Variants in C2CD3 observed in about 807,000 individuals in gnomAD.
The protein encoded by C2CD3 is C2 domain containing 3 centriole elongation regulator.
A neutral mutation model predicts 234.0 loss-of-function variants in C2CD3; 148 were observed. That is an observed-to-expected ratio of 0.63 (90% CI 0.55 to 0.72). C2CD3 has a LOEUF of 0.72. Among genes scored for constraint, C2CD3 ranks in the 30% least tolerant of loss-of-function variants. C2CD3 has a pLI of 0.00. For synonymous variants in C2CD3, 1,000 were observed against 1,035.4 expected (o/e 0.97, Z 0.66); for missense variants, 2,577 against 2,811.5 (o/e 0.92, Z 1.89).
intron 11 of C2CD3, among the ~76,000 whole-genome samples, chr11:74,111,642 A>G (rs959216453): frequency 1.3e-5 from 2 of 152,156 alleles, no homozygotes; most frequent in African/African-American, 4.8e-5. Flanking sequence ...TGTATGGTGC[A>G]TTAATACTTG....
At chr11:74,038,458 G>A (rs1445357554) in intron 29 of C2CD3, among the ~76,000 whole-genome samples, 2 of 152,160 alleles carry the variant, frequency 1.3e-5, no homozygotes, top group Admixed American at 1.3e-4. Flanking sequence ...TATGAGATCA[G>A]TAATTATAAA....
Position 74,042,090 on chromosome 11 carries a change from G to A in C2CD3, c.5624C>T (p.Pro1875Leu). 1 of 1,613,992 alleles carries A rather than the reference G, an allele frequency of 6.2e-7. No homozygotes were observed. The highest frequency in any genetic ancestry group is 8.5e-7 in the Non-Finnish European group (1 of 1,179,990). Residue 1875 changes from proline to leucine, a missense_variant, in exon 29 of 33, where the codon CCT becomes CTT. Transcript: ENST00000334126. Reference protein sequence around the residue: ...LPCDDKLTTSPLSSQTSILTS... With the variant: ...LPCDDKLTTSLLSSQTSILTS... ...CAGAATGGAGGTTTGGGAGGACAAA[G>A]GTGATGTGGTCAGTTTGTCATCACA...
chr11:74,054,794 C>A (rs893272972), intron 25 of C2CD3, 123 bp from the exon 26 acceptor site: 2 of 604,884 alleles, frequency 3.3e-6, no homozygotes, highest in Non-Finnish European at 5.7e-6. Context: ...ATCTTCTTAG[C>A]CATCTTCTGG....
chr11:74,107,339 C>CAG (rs1323621393), intron 12 of C2CD3, among the ~76,000 whole-genome samples: 1 of 151,948 alleles, frequency 6.6e-6, no homozygotes, highest in Non-Finnish European at 1.5e-5. Flanking sequence ...CACACACACA[C>CAG]ACACACACAC....
At chr11:74,078,906 G>A (rs1162983724) in intron 22 of C2CD3, among the ~76,000 whole-genome samples, 189 bp from the exon 23 acceptor site, 2 of 152,182 alleles carry the variant, frequency 1.3e-5, no homozygotes, top group Non-Finnish European at 2.9e-5. Flanking sequence ...AAGAACAAAG[G>A]CTAGGAGTTG....
intron 15 of C2CD3, among the ~76,000 whole-genome samples, chr11:74,098,943 A>T (rs1956213232): frequency 6.6e-6 from 1 of 152,222 alleles, no homozygotes; most frequent in Non-Finnish European, 1.5e-5. Flanking sequence ...ACGCAATGAA[A>T]AAACTTCCAT....
rs1243610066 is a variant in C2CD3 at position 74,139,634 on chromosome 11, T to C, written c.678A>G (p.Ala226=). 1.2e-6 allele frequency: 2 copies of C among 1,613,970 alleles called. No homozygotes were observed. The highest frequency in any genetic ancestry group is 2.2e-5 in the South Asian group (2 of 91,088). ...HTIKIDGKEL[A]ANSSRSTTPR... is the part of the protein sequence containing the mutation. Reference sequence around the variant, plus strand: ...GAGTGGTTGATCTACTGCTGTTGGCTGCTAACTCTTTTCCATCAATTTTGA... The same window carrying C: ...GAGTGGTTGATCTACTGCTGTTGGCCGCTAACTCTTTTCCATCAATTTTGA... The change falls in exon 4 of 33, where the codon GCA becomes GCG. Residue 226 remains alanine, a synonymous_variant. Coordinates refer to ENST00000334126, the MANE Select transcript of C2CD3 (RefSeq NM_001286577.2).
At chr11:74,163,218 T>G (rs959473613) in intron 2 of C2CD3, among the ~76,000 whole-genome samples, 3 of 152,204 alleles carry the variant, frequency 2.0e-5, no homozygotes, top group Non-Finnish European at 2.9e-5. Context: ...GCTATTTCTG[T>G]ATAAGCCATG....
chr11:74,033,249 G>GC, intron 31 of C2CD3, 102 bp downstream of exon 31: 1 of 907,242 alleles, frequency 1.1e-6, no homozygotes, highest in East Asian at 2.6e-5. Flanking sequence ...GTCTTTCCAT[G>GC]CCCCCTAGTG....
At chr11:74,021,993 G>GCC (rs1169679220) in intron 32 of C2CD3, among the ~76,000 whole-genome samples, 3 of 152,182 alleles carry the variant, frequency 2.0e-5, no homozygotes, top group African/African-American at 7.2e-5. Context: ...GGGCGTGATG[G>GCC]CACGCGCCTA....
At position 74,022,516 on chromosome 11, in the gene C2CD3, T is replaced by C. The variant is rs141681842; in HGVS notation, c.6921+5771A>G. ...AGGATTTGAGAGTCATTCAAAGTCATATTTGAAGTCATCAGAGTGATTGAG... is the reference window on the plus strand; with the variant it reads ...AGGATTTGAGAGTCATTCAAAGTCACATTTGAAGTCATCAGAGTGATTGAG... On this transcript the variant is annotated intron_variant, in intron 32 of 32. Transcript: ENST00000334126. Among the ~76,000 whole-genome samples, 572 of 152,284 alleles carry C rather than the reference T, an allele frequency of 3.8e-3. 7 individuals are homozygous for C. The highest frequency in any genetic ancestry group is 0.027 in the Middle Eastern group (8 of 294).
At position 74,044,494 on chromosome 11, in the gene C2CD3, A is replaced by G. The variant is rs545766693; in HGVS notation, c.5496-2276T>C. 9.2e-4 allele frequency among the ~76,000 whole-genome samples: 139 copies of G among 151,758 alleles called. 2 individuals are homozygous for G. The South Asian group carries it at 0.028, about 30-fold the overall frequency. ...CTATAATTTGCAAATATTTTCTCCC[A>G]TTCTATGGGTTGTCTTTTCACTTTC... On this transcript the variant is annotated intron_variant, in intron 28 of 32. Transcript: ENST00000334126.
At chr11:74,165,186 T>G (rs1856724730) in intron 2 of C2CD3, among the ~76,000 whole-genome samples, 1 of 152,246 alleles carries the variant, frequency 6.6e-6, no homozygotes, top group South Asian at 2.1e-4. Context: ...ACATTTCCTC[T>G]TCTTTTTTTA....
intron 24 of C2CD3, among the ~76,000 whole-genome samples, chr11:74,063,588 T>C (rs1014422121): frequency 1.8e-4 from 27 of 152,224 alleles, no homozygotes; most frequent in Non-Finnish European, 2.9e-4. Flanking sequence ...GCCCTTCATG[T>C]TAAAAACTCT....
At chr11:74,106,877 A>G (rs1324332282) in intron 12 of C2CD3, among the ~76,000 whole-genome samples, 6 of 152,234 alleles carry the variant, frequency 3.9e-5, no homozygotes, top group Non-Finnish European at 1.5e-5. Context: ...TATCAAGGCT[A>G]TGGAGAAACA....
intron 5 of C2CD3, among the ~76,000 whole-genome samples, chr11:74,137,728 G>A (rs911874409): frequency 2.0e-5 from 3 of 151,864 alleles, no homozygotes; most frequent in Non-Finnish European, 4.4e-5. Context: ...GGGACTACAG[G>A]CACCTACCAC....
intron 32 of C2CD3, among the ~76,000 whole-genome samples, chr11:74,020,025 G>A (rs1952024510): frequency 6.6e-6 from 1 of 152,208 alleles, no homozygotes; most frequent in African/African-American, 2.4e-5. Flanking sequence ...GTACCCTCAT[G>A]CCTGGCCTTG....
chr11:74,132,908 C>T lies in C2CD3; in HGVS notation c.1153G>A (p.Glu385Lys), dbSNP rs775124607. 10 of 1,613,614 alleles carry T rather than the reference C, an allele frequency of 6.2e-6. No individual in the cohort carries two copies. The highest frequency in any genetic ancestry group is 8.5e-6 in the Non-Finnish European group (10 of 1,179,562). Residue 385 changes from glutamate (E) to lysine (K), a missense_variant, in exon 7 of 33, where the codon GAG (glutamate) becomes AAG (lysine). Glu to Lys is a moderately conservative substitution (Grantham distance 56). Coordinates refer to ENST00000334126, the MANE Select transcript of C2CD3 (RefSeq NM_001286577.2). ...GTGTCATGTCTCCAAAATGTATTCTCAGTTGAAGGGAGGAGGTGATCTTCA... is the reference window on the plus strand; with the variant it reads ...GTGTCATGTCTCCAAAATGTATTCTTAGTTGAAGGGAGGAGGTGATCTTCA... ...HIEDHLLPST[E>K]NTFWRHDTKA... is the part of the protein sequence containing the mutation.
chr11:74,064,558 T>C (rs937413023), intron 24 of C2CD3, among the ~76,000 whole-genome samples: 17 of 152,274 alleles, frequency 1.1e-4, no homozygotes, highest in Admixed American at 9.8e-4. Flanking sequence ...CTTCACAGAA[T>C]TGGAAAAAAC....
Sources: allele counts gnomAD v4.1 joint callset (sites outside exome capture counted in the v4.1 genomes callset), GRCh38; gene constraint gnomAD v4.1.1; transcripts MANE v1.5; gene names NCBI Gene and HGNC (gene_info 2026-07-23, HGNC 2026-07-21).